EPHA6: variants seen among roughly 807,000 people sequenced by gnomAD.
EPHA6 encodes the protein ephrin type-A receptor 6.
EPHA6 carries 50 observed loss-of-function variants against 112.0 expected under a neutral mutation model. The ratio of observed to expected loss-of-function variants is 0.45; its 90% confidence interval spans 0.36 to 0.56. EPHA6 has a LOEUF of 0.56. Among genes scored for constraint, EPHA6 ranks in the 20% least tolerant of loss-of-function variants. EPHA6 has a pLI of 0.00. For missense variants in EPHA6, 1,280 were observed against 1,417.4 expected (o/e 0.90, Z 1.56); for synonymous variants, 529 against 490.7 (o/e 1.08, Z -1.03).
rs1040647352 is a variant in EPHA6 at position 97,752,862 on chromosome 3, TCAAAGAGATTTGAAG to T, written c.*4164_*4178del. Reference sequence around the variant, plus strand: ...CAGTTGGTGTCCATGTCTCTATATATCAAAGAGATTTGAAGCATATGTATCACTTCTTTTAGTATG... The same window carrying T: ...CAGTTGGTGTCCATGTCTCTATATATCATATGTATCACTTCTTTTAGTATG... On this transcript the variant is annotated 3_prime_UTR_variant, in exon 18 of 18. Coordinates refer to ENST00000389672, the MANE Select transcript of EPHA6 (RefSeq NM_001080448.3). 8.9e-4 allele frequency among the ~76,000 whole-genome samples: 136 copies of T among 152,188 alleles called. No individual in the cohort carries two copies. Among genetic ancestry groups the T allele is most frequent in the African/African-American group, 3.2e-3 (133 of 41,564 alleles).
chr3:97,702,017 C>T (rs1429749703), intron 14 of EPHA6, among the ~76,000 whole-genome samples: 2 of 152,166 alleles, frequency 1.3e-5, no homozygotes, highest in South Asian at 2.1e-4. Context: ...CCCTTACACT[C>T]CCATTAAATA....
In EPHA6 at chr3:97,201,334, T is replaced by G. The variant is rs78170489; in HGVS notation, c.1115-24930T>G. On this transcript the variant is annotated intron_variant, in intron 3 of 17. Coordinates refer to ENST00000389672, the MANE Select transcript of EPHA6 (RefSeq NM_001080448.3). ...GAAAATTGTCTGGGGTATCTTTTGA[T>G]TAGCATTGGTTTTTGTTTGTTTCTT... 2.8e-3 allele frequency among the ~76,000 whole-genome samples: 421 copies of G among 152,266 alleles called. 3 individuals are homozygous for G. Among genetic ancestry groups the G allele is most frequent in the African/African-American group, 9.7e-3 (403 of 41,566 alleles).
chr3:97,461,025 T>C (rs899575964), intron 7 of EPHA6, among the ~76,000 whole-genome samples: 3 of 152,146 alleles, frequency 2.0e-5, no homozygotes, highest in African/African-American at 7.2e-5. Context: ...AGAAAAGTAC[T>C]CACTGCAGTA....
chr3:97,648,651 A>T, intron 14 of EPHA6: 1 of 1,078,794 alleles, frequency 9.3e-7, no homozygotes, highest in East Asian at 5.2e-5. Context: ...CCTTTTAGTA[A>T]AACATACTCA....
intron 6 of EPHA6, among the ~76,000 whole-genome samples, chr3:97,430,161 T>G (rs1467865941): frequency 6.6e-6 from 1 of 152,196 alleles, no homozygotes; most frequent in Non-Finnish European, 1.5e-5. Flanking sequence ...ATTGGCACAG[T>G]AGGTATATTA....
chr3:97,271,059 A>C (rs2108640421), intron 5 of EPHA6, among the ~76,000 whole-genome samples: 1 of 152,306 alleles, frequency 6.6e-6, no homozygotes, highest in East Asian at 1.9e-4. Context: ...ACCTGTGACA[A>C]TTAGAGGGTA....
intron 13 of EPHA6, among the ~76,000 whole-genome samples, chr3:97,633,333 T>C (rs1458595836): frequency 6.6e-6 from 1 of 151,980 alleles, no homozygotes; most frequent in Non-Finnish European, 1.5e-5. Context: ...GCTACTAATC[T>C]CTGAGATGCA....
At chr3:96,856,898 A>G (rs1241822002) in intron 1 of EPHA6, among the ~76,000 whole-genome samples, 1 of 152,164 alleles carries the variant, frequency 6.6e-6, no homozygotes, top group African/African-American at 2.4e-5. Flanking sequence ...AGTCTCCTGT[A>G]TGCCTGATTA....
rs912004269 is a variant in EPHA6, at chr3:97,444,814, G to A, written c.1732-3754G>A. On this transcript the variant is annotated intron_variant, in intron 6 of 17. Coordinates refer to ENST00000389672, the MANE Select transcript of EPHA6 (RefSeq NM_001080448.3). The stretch of plus-strand genomic sequence containing the variant: ...TAACAGGTTCCAGACTCTAGCAAGA[G>A]GGTCCATTTTAGTTACCATGAAAAG... 3.9e-5 allele frequency among the ~76,000 whole-genome samples: 6 copies of A among 152,238 alleles called. No individual in the cohort carries two copies. In the East Asian group the frequency reaches 1.2e-3, roughly 30 times the overall value.
chr3:97,543,101 T>C (rs1435362200), intron 11 of EPHA6, among the ~76,000 whole-genome samples: 2 of 152,264 alleles, frequency 1.3e-5, no homozygotes, highest in Non-Finnish European at 2.9e-5. Flanking sequence ...TTAGTTTAAC[T>C]AGATCCCATT....
At chr3:96,892,954 A>ATG (rs144428670) in intron 2 of EPHA6, among the ~76,000 whole-genome samples, 14,155 of 132,236 alleles carry the variant, frequency 0.11, 1,761 homozygotes, top group African/African-American at 0.31. Flanking sequence ...ATATATATAT[A>ATG]TGTGTGTGTG....
At chr3:97,368,491 TA>T (rs1406161805) in intron 5 of EPHA6, among the ~76,000 whole-genome samples, 1 of 152,144 alleles carries the variant, frequency 6.6e-6, no homozygotes, top group Non-Finnish European at 1.5e-5. Context: ...TTTTCCTTAT[TA>T]AAATACAAAA....
intron 3 of EPHA6, among the ~76,000 whole-genome samples, chr3:97,150,919 CTT>C (rs1451687506): frequency 3.3e-5 from 5 of 152,038 alleles, no homozygotes; most frequent in African/African-American, 1.2e-4. Context: ...AAAGTTTAAA[CTT>C]TAATTAATTC....
intron 3 of EPHA6, among the ~76,000 whole-genome samples, chr3:96,993,091 T>G: frequency 6.6e-6 from 1 of 152,196 alleles, no homozygotes. Context: ...TAAGTAAATT[T>G]TCTTGAGGGA....
In EPHA6 at chr3:97,441,053, A is replaced by G. The variant is rs114377116; in HGVS notation, c.1732-7515A>G. Reference sequence around the variant, plus strand: ...TTTCAATTAAGTTTTCAAAGAGCAGATAATTCCCATGTTGTGTCAGTTATT... The same window carrying G: ...TTTCAATTAAGTTTTCAAAGAGCAGGTAATTCCCATGTTGTGTCAGTTATT... On this transcript the variant is annotated intron_variant, in intron 6 of 17. Transcript: ENST00000389672. 5.5e-3 allele frequency among the ~76,000 whole-genome samples: 844 copies of G among 152,168 alleles called. 7 individuals are homozygous for G. The highest frequency in any genetic ancestry group is 0.019 in the African/African-American group (809 of 41,568).
intron 2 of EPHA6, among the ~76,000 whole-genome samples, chr3:96,896,433 G>C (rs981151295): frequency 2.6e-5 from 4 of 152,064 alleles, no homozygotes; most frequent in Non-Finnish European, 4.4e-5. Flanking sequence ...CATTTCTTCT[G>C]TTAAAGTGGG....
rs547109176 is a variant in EPHA6, at chr3:97,395,134, GAAAA to G, written c.1607-10010_1607-10007del. 4.8e-3 allele frequency among the ~76,000 whole-genome samples: 718 copies of G among 149,136 alleles called. 2 individuals are homozygous for G. Among genetic ancestry groups the G allele is most frequent in the Non-Finnish European group, 7.6e-3 (512 of 66,934 alleles). On this transcript the variant is annotated intron_variant, in intron 5 of 17. Transcript: ENST00000389672. ...ACAATGTTATTTTCAAATTCAGAAAGAAAAAAAAACAAGGAAGAACATAAGATAA... is the reference window on the plus strand; with the variant it reads ...ACAATGTTATTTTCAAATTCAGAAAGAAAAACAAGGAAGAACATAAGATAA...
chr3:97,318,011 C>A (rs1559877150), intron 5 of EPHA6, among the ~76,000 whole-genome samples: 1 of 151,870 alleles, frequency 6.6e-6, no homozygotes, highest in Non-Finnish European at 1.5e-5. Flanking sequence ...ATGCAAAGGA[C>A]CTAAGAGCCA....
At chr3:96,907,882 A>G (rs2039016832) in intron 2 of EPHA6, among the ~76,000 whole-genome samples, 1 of 151,978 alleles carries the variant, frequency 6.6e-6, no homozygotes. Context: ...ATATGTTTAT[A>G]ATAAACATTC....
Sources: allele counts gnomAD v4.1 joint callset (sites outside exome capture counted in the v4.1 genomes callset), GRCh38; gene constraint gnomAD v4.1.1; transcripts MANE v1.5; gene names NCBI Gene and HGNC (gene_info 2026-07-23, HGNC 2026-07-21).